Variants in ALK observed in about 807,000 individuals in gnomAD.
The protein encoded by ALK is ALK tyrosine kinase receptor.
ALK carries 74 observed loss-of-function variants against 163.1 expected under a neutral mutation model. That is an observed-to-expected ratio of 0.45 (90% CI 0.38 to 0.55). The LOEUF (loss-of-function observed/expected upper bound fraction) is 0.55. Among genes scored for constraint, ALK ranks in the 20% least tolerant of loss-of-function variants. ALK has a pLI of 0.00. For synonymous variants in ALK, 960 were observed against 843.2 expected (o/e 1.14, Z -2.40); for missense variants, 2,063 against 2,105.3 (o/e 0.98, Z 0.39).
chr2:29,671,459 T>C (rs934477209), intron 3 of ALK, among the ~76,000 whole-genome samples: 4 of 152,048 alleles, frequency 2.6e-5, no homozygotes, highest in African/African-American at 9.7e-5. Context: ...CCTATGCCCA[T>C]CCTTAGGGAT....
chr2:29,442,703 G>A (rs549332335), intron 4 of ALK, among the ~76,000 whole-genome samples: 34 of 152,242 alleles, frequency 2.2e-4, no homozygotes, highest in African/African-American at 3.1e-4. Context: ...GGAAGGGTAC[G>A]CACCTAAAAA....
At chr2:29,373,162 C>A (rs1441684623) in intron 5 of ALK, among the ~76,000 whole-genome samples, 1 of 152,126 alleles carries the variant, frequency 6.6e-6, no homozygotes, top group Non-Finnish European at 1.5e-5. Flanking sequence ...TTTTTAATTA[C>A]CCAGGCAGAG....
At chr2:29,546,788 T>C (rs1673566553) in intron 3 of ALK, among the ~76,000 whole-genome samples, 1 of 150,868 alleles carries the variant, frequency 6.6e-6, no homozygotes, top group African/African-American at 2.4e-5. Flanking sequence ...TTTAATTAAA[T>C]ATTTTAAAAA....
At position 29,806,200 on chromosome 2, in the gene ALK, G is replaced by T. The variant is rs1313845473; in HGVS notation, c.668-88503C>A. Among the ~76,000 whole-genome samples the T allele has an allele frequency of 2.0e-5, 3 of 152,156 alleles. No homozygotes were observed. The East Asian group carries it at 5.8e-4, about 29-fold the overall frequency. Reference sequence around the variant, plus strand: ...GATGGTCTTAAGACTAAGGTAAGAGGTCAGAGAGAGTTGAATGCAAAGCCT... The same window carrying T: ...GATGGTCTTAAGACTAAGGTAAGAGTTCAGAGAGAGTTGAATGCAAAGCCT... On this transcript the variant is annotated intron_variant, in intron 1 of 28. Transcript: ENST00000389048.
intron 11 of ALK, among the ~76,000 whole-genome samples, chr2:29,269,414 A>G (rs1665319376): frequency 6.6e-6 from 1 of 152,174 alleles, no homozygotes; most frequent in South Asian, 2.1e-4. Flanking sequence ...AGCCTCTTCC[A>G]CTGGAAGAGA....
chr2:29,420,039 C>G (rs2148065879), intron 4 of ALK, among the ~76,000 whole-genome samples: 1 of 150,842 alleles, frequency 6.6e-6, no homozygotes, highest in East Asian at 1.9e-4. Context: ...CACCTGTAGT[C>G]CCAGCTACTC....
intron 3 of ALK, among the ~76,000 whole-genome samples, chr2:29,660,937 G>A (rs188019207): frequency 5.3e-5 from 8 of 152,218 alleles, no homozygotes; most frequent in Admixed American, 6.5e-5. Context: ...CATGGAAACC[G>A]TAGTGCTCCC....
intron 4 of ALK, among the ~76,000 whole-genome samples, chr2:29,441,639 C>A (rs909816332): frequency 6.6e-6 from 1 of 152,128 alleles, no homozygotes; most frequent in African/African-American, 2.4e-5. Flanking sequence ...CTGTGTATAC[C>A]ACCTTAACAT....
At chr2:29,751,152 T>C (rs927567829) in intron 1 of ALK, among the ~76,000 whole-genome samples, 2 of 152,080 alleles carry the variant, frequency 1.3e-5, no homozygotes, top group African/African-American at 4.8e-5. Context: ...GGTACACCTG[T>C]ATAGGGCATT....
chr2:29,851,868 T>G (rs370366385), intron 1 of ALK, among the ~76,000 whole-genome samples: 1 of 152,222 alleles, frequency 6.6e-6, no homozygotes, highest in Admixed American at 6.5e-5. Flanking sequence ...AGAGCAGGCA[T>G]AGACTGCTCC....
intron 12 of ALK, among the ~76,000 whole-genome samples, chr2:29,243,687 C>T (rs1231715197): frequency 6.6e-6 from 1 of 152,258 alleles, no homozygotes; most frequent in East Asian, 1.9e-4. Context: ...CCCCTGCACC[C>T]TGTGAATCAC....
chr2:29,203,851 C>T (rs1158001761), intron 26 of ALK, among the ~76,000 whole-genome samples: 3 of 151,956 alleles, frequency 2.0e-5, no homozygotes, highest in African/African-American at 7.3e-5. Flanking sequence ...AAATTTATGT[C>T]CTGTGCTAGG....
intron 4 of ALK, among the ~76,000 whole-genome samples, chr2:29,517,588 G>A (rs1672705776): frequency 6.6e-6 from 1 of 152,022 alleles, no homozygotes; most frequent in Non-Finnish European, 1.5e-5. Flanking sequence ...CATTAATCAG[G>A]CTATTGTCCT....
chr2:29,527,619 T>C (rs779026359), intron 4 of ALK, among the ~76,000 whole-genome samples: 3 of 152,188 alleles, frequency 2.0e-5, no homozygotes, highest in Non-Finnish European at 4.4e-5. Context: ...GCAAGCCTCC[T>C]GCCTCAGCCT....
rs1028438582 is a variant in ALK at position 29,404,176 on chromosome 2, T to C, written c.1155-20317A>G. ...AAAATTAGCCAGGCATGGTGGCACA[T>C]GGCTGAAATCCCAGCTACTCGGAAG... On this transcript the variant is annotated intron_variant, in intron 4 of 28. Coordinates refer to ENST00000389048, the MANE Select transcript of ALK (RefSeq NM_004304.5). 9.2e-5 allele frequency among the ~76,000 whole-genome samples: 14 copies of C among 152,062 alleles called. 1 individual carries two copies. The highest frequency in any genetic ancestry group is 6.5e-4 in the Admixed American group (10 of 15,276).
In ALK at chr2:29,315,227, C is replaced by T. The variant is rs151071110; in HGVS notation, c.1647+3077G>A. Among the ~76,000 whole-genome samples the T allele has an allele frequency of 2.7e-3, 415 of 151,584 alleles. 2 individuals are homozygous for T. The highest frequency in any genetic ancestry group is 8.4e-3 in the African/African-American group (344 of 40,994). On this transcript the variant is annotated intron_variant, in intron 8 of 28. Transcript: ENST00000389048. ...ACTGTGCAGAGAGATAGGAGGCAGCCGTGGTAGTCAGCAAGAGCAGGCTGC... is the reference window on the plus strand; with the variant it reads ...ACTGTGCAGAGAGATAGGAGGCAGCTGTGGTAGTCAGCAAGAGCAGGCTGC...
chr2:29,694,714 A>T lies in ALK; in HGVS notation c.952+136T>A, dbSNP rs1482369380. The T allele has an allele frequency of 8.4e-6, 10 of 1,183,664 alleles. No homozygotes were observed. In the African/African-American group the frequency reaches 1.1e-4, roughly 12 times the overall value. 73.3% of individuals were successfully genotyped at this position (1,183,664 alleles called of 1,614,324 possible). On this transcript the variant is annotated intron_variant, in intron 3 of 28. Coordinates refer to ENST00000389048, the MANE Select transcript of ALK (RefSeq NM_004304.5). ...CCTTGCATGGCCCAAGAAGCCATGGAAAGTCACAGATATTAAAAGCAGGTT... is the reference window on the plus strand; with the variant it reads ...CCTTGCATGGCCCAAGAAGCCATGGTAAGTCACAGATATTAAAAGCAGGTT...
intron 8 of ALK, among the ~76,000 whole-genome samples, chr2:29,315,526 A>C (rs771494279): frequency 5.3e-5 from 8 of 152,170 alleles, no homozygotes; most frequent in Non-Finnish European, 1.2e-4. Context: ...TTTCAGTCAC[A>C]ATTGGCAAGC....
At chr2:29,690,463 A>AT (rs1173976292) in intron 3 of ALK, among the ~76,000 whole-genome samples, 1 of 152,100 alleles carries the variant, frequency 6.6e-6, no homozygotes, top group Non-Finnish European at 1.5e-5. Flanking sequence ...TGTGTTTTCC[A>AT]TTTTTAAGCC....
Sources: gnomAD v4.1 joint callset for allele counts (sites outside exome capture counted in the v4.1 genomes callset) on GRCh38, gnomAD v4.1.1 for gene constraint, MANE v1.5 for transcripts, NCBI Gene and HGNC (gene_info 2026-07-23, HGNC 2026-07-21) for gene names.